CPPED1: variants seen among roughly 807,000 people sequenced by gnomAD.
CPPED1 encodes the protein calcineurin like phosphoesterase domain containing 1, also known as serine/threonine-protein phosphatase CPPED1.
Under a neutral mutation model 28.0 loss-of-function variants are expected in CPPED1, and 28 were observed. The observed-to-expected ratio is 1.00, with a 90% CI of 0.74 to 1.37. The LOEUF (loss-of-function observed/expected upper bound fraction) is 1.37. Among genes scored for constraint, CPPED1 ranks in the 40% most tolerant of loss-of-function variants. The probability of loss-of-function intolerance (pLI) is 0.00; values close to 1 mark genes in which losing one functional copy is unlikely to be tolerated. For missense variants in CPPED1, 504 were observed against 416.5 expected, an observed-to-expected ratio of 1.21 and a Z score of -1.83; for synonymous variants, 198 against 180.2, an observed-to-expected ratio of 1.10 and a Z score of -0.79.
At chr16:12,677,469 T>C (rs1249342094) in intron 3 of CPPED1, among the ~76,000 whole-genome samples, 4 of 152,172 alleles carry the variant, frequency 2.6e-5, no homozygotes, top group Non-Finnish European at 5.9e-5. Context: ...CAAAACCCTG[T>C]CTCTACTAAA....
intron 2 of CPPED1, among the ~76,000 whole-genome samples, chr16:12,779,948 T>C (rs989870653): frequency 6.6e-6 from 1 of 152,150 alleles, no homozygotes; most frequent in African/African-American, 2.4e-5. Flanking sequence ...TATACCTGCT[T>C]GCTGGGCTTT....
At chr16:12,797,501 G>A (rs576237094) in intron 1 of CPPED1, among the ~76,000 whole-genome samples, 43 of 151,938 alleles carry the variant, frequency 2.8e-4, no homozygotes, top group African/African-American at 1.0e-3. Context: ...GCTGCAGTGG[G>A]CGGAGATCAT....
intron 2 of CPPED1, among the ~76,000 whole-genome samples, chr16:12,746,727 T>A (rs1267855952): frequency 6.6e-6 from 1 of 152,068 alleles, no homozygotes; most frequent in Non-Finnish European, 1.5e-5. Flanking sequence ...GGAAGTAAAA[T>A]ATGTGACACC....
rs536229077 is a variant in CPPED1 at position 12,752,869 on chromosome 16, TTAATA to T, written c.289+28311_289+28315del. 4.6e-3 allele frequency: 680 copies of T among 148,210 alleles called. 2 individuals carry two copies. The highest frequency in any genetic ancestry group is 0.016 in the African/African-American group (650 of 40,886). The allele number at this position is 148,210 out of a possible 1,614,324, so 9.2% of individuals were successfully genotyped here. On this transcript the variant is annotated intron_variant, in intron 2 of 3. Transcript: ENST00000381774. ...TATTATATACTAGCTGTACTATTTA[TTAATA>T]TAATATATAATTACATATTAATAAC...
At position 12,670,520 on chromosome 16, in the gene CPPED1, A is replaced by G. The variant is rs139732721; in HGVS notation, c.716-5405T>C. Among the ~76,000 whole-genome samples, 1,280 of 152,274 alleles carry G rather than the reference A, an allele frequency of 8.4e-3. 9 individuals carry two copies. Among genetic ancestry groups the G allele is most frequent in the Non-Finnish European group, 0.014 (971 of 68,026 alleles). On this transcript the variant is annotated intron_variant, in intron 3 of 3. Transcript: ENST00000381774. The surrounding 1 kb of genome is among the most constrained non-coding windows in gnomAD (Gnocchi z 4.2). ...GTTTAAAGAGAAGGTTAAAAAAAAA[A>G]AGAATGTATTTACAGTGAAGAAACT...
At chr16:12,771,646 C>A (rs2080470964) in intron 2 of CPPED1, among the ~76,000 whole-genome samples, 1 of 152,148 alleles carries the variant, frequency 6.6e-6, no homozygotes, top group Non-Finnish European at 1.5e-5. Flanking sequence ...CTGTCTTGTA[C>A]CAGAATTATG....
chr16:12,704,559 A>G (rs1472440354), intron 3 of CPPED1, 65 bp downstream of exon 3: 4 of 1,485,572 alleles, frequency 2.7e-6, no homozygotes, highest in East Asian at 2.3e-5. Flanking sequence ...GACGGGAGAA[A>G]GATCTGGAAA....
At position 12,664,847 on chromosome 16, in the gene CPPED1, A is replaced by C. The variant is rs2079815803; in HGVS notation, c.*39T>G. On this transcript the variant is annotated 3_prime_UTR_variant, in exon 4 of 4. Transcript: ENST00000381774. This position sits in a 1 kb window ranked among gnomAD's most constrained non-coding sequence, Gnocchi z 4.2. The stretch of plus-strand genomic sequence containing the variant: ...CTGCTGTTTCTGGCAAAATAAAAAA[A>C]TAGTGCAAGTGAAAAGTGAACGGGA... 19 of 1,607,038 alleles carry C rather than the reference A, an allele frequency of 1.2e-5. No individual in the cohort carries two copies. The highest frequency in any genetic ancestry group is 1.6e-5 in the Non-Finnish European group (19 of 1,178,242).
intron 1 of CPPED1, among the ~76,000 whole-genome samples, chr16:12,793,482 TTTC>T (rs2080608840): frequency 6.6e-6 from 1 of 152,162 alleles, no homozygotes; most frequent in African/African-American, 2.4e-5. Flanking sequence ...TCAACTCCCA[TTTC>T]TACCCTTTAC....
chr16:12,741,285 C>T (rs1488897408), intron 2 of CPPED1, among the ~76,000 whole-genome samples: 2 of 146,814 alleles, frequency 1.4e-5, no homozygotes, highest in Middle Eastern at 3.6e-3. Context: ...AAAAATAAAT[C>T]CTCCTCTGGC....
Position 12,665,044 on chromosome 16 carries a change from C to A in CPPED1, c.787G>T (p.Val263Leu). 6.2e-7 allele frequency: 1 copy of A among 1,609,892 alleles called. No individual in the cohort carries two copies. The highest frequency in any genetic ancestry group is 8.5e-7 in the Non-Finnish European group (1 of 1,178,728). The change falls in exon 4 of 4, where the codon GTG becomes TTG. Residue 263 changes from valine to leucine, a missense_variant. By Grantham distance (32) the Val-to-Leu change is conservative (BLOSUM62 1). Coordinates refer to ENST00000381774, the MANE Select transcript of CPPED1 (RefSeq NM_018340.3). Reference protein sequence around the residue: ...GGTYQNLDMVVSSAIGCQLGR... With the variant: ...GGTYQNLDMVLSSAIGCQLGR... ...AGCTGGCATCCAATGGCAGATGACA[C>A]CACCATGTCGAGGTTCTGGTAGGTA...
rs2079807578 is a variant in CPPED1 at position 12,663,413 on chromosome 16, T to TCTTATA, written c.*1472_*1473insTATAAG. ...CTTTACCGAACTCCTTTTCTTGACC[T>TCTTATA]CCTATACCTACACCTGTTGTAAAGA... On this transcript the variant is annotated 3_prime_UTR_variant, in exon 4 of 4. Coordinates refer to ENST00000381774, the MANE Select transcript of CPPED1 (RefSeq NM_018340.3). 1 of 152,048 alleles carries TCTTATA rather than the reference T, an allele frequency of 6.6e-6. No individual in the cohort carries two copies. The highest frequency in any genetic ancestry group is 1.5e-5 in the Non-Finnish European group (1 of 68,002). The allele number at this position is 152,048 out of a possible 1,614,324, so 9.4% of individuals were successfully genotyped here. A position where few individuals can be genotyped will look rare whatever the true frequency, so the allele number is the denominator to read the frequency against.
chr16:12,741,100 G>A (rs1043484924), intron 2 of CPPED1, among the ~76,000 whole-genome samples: 1 of 152,054 alleles, frequency 6.6e-6, no homozygotes, highest in Admixed American at 6.6e-5. Flanking sequence ...GCAATATAAT[G>A]GGGCCCAATT....
chr16:12,711,244 T>C (rs1393826290), intron 2 of CPPED1, among the ~76,000 whole-genome samples: 1 of 152,102 alleles, frequency 6.6e-6, no homozygotes, highest in African/African-American at 2.4e-5. Context: ...AAAAAACAAA[T>C]ACTGTTTGAT....
intron 2 of CPPED1, among the ~76,000 whole-genome samples, chr16:12,778,277 CTTTT>C (rs371883790): frequency 8.6e-6 from 1 of 116,158 alleles, no homozygotes; most frequent in Admixed American, 9.2e-5. Context: ...TTCTTTCTTT[CTTTT>C]TTTTTTTTTT....
In CPPED1 at chr16:12,777,803, G is replaced by A. The variant is rs2080505915; in HGVS notation, c.289+3382C>T. ...GTAATTGGCACTTAGTTTGCACACA[G>A]ACATTTTTGTGGATGATAAGTACTA... is the stretch of plus-strand genomic sequence containing the variant. On this transcript the variant is annotated intron_variant, in intron 2 of 3. Coordinates refer to ENST00000381774, the MANE Select transcript of CPPED1 (RefSeq NM_018340.3). Among the ~76,000 whole-genome samples, 4 of 144,044 alleles carry A rather than the reference G, an allele frequency of 2.8e-5. No homozygotes were observed. The South Asian group carries it at 8.6e-4, about 31-fold the overall frequency. The allele number at this position is 144,044 out of a possible 152,430, so 94.5% of individuals were successfully genotyped here.
At chr16:12,738,492 G>C (rs778033534) in intron 2 of CPPED1, among the ~76,000 whole-genome samples, 1 of 152,020 alleles carries the variant, frequency 6.6e-6, no homozygotes, top group African/African-American at 2.4e-5. Flanking sequence ...GAGATGAAAT[G>C]TCTCTGAATA....
intron 2 of CPPED1, among the ~76,000 whole-genome samples, chr16:12,755,324 C>T (rs2080358959): frequency 6.8e-6 from 1 of 147,118 alleles, no homozygotes; most frequent in African/African-American, 2.5e-5. Context: ...CTCTGTTGCC[C>T]AGGCTGCAGT....
intron 2 of CPPED1, among the ~76,000 whole-genome samples, chr16:12,715,210 G>A (rs376761642): frequency 2.9e-4 from 44 of 152,264 alleles, no homozygotes; most frequent in African/African-American, 1.1e-3. Flanking sequence ...TAGTAAGTTT[G>A]AAATCAGAAA....
Sources: allele counts gnomAD v4.1 joint callset (sites outside exome capture counted in the v4.1 genomes callset), GRCh38; gene constraint gnomAD v4.1.1; non-coding constraint Gnocchi (gnomAD v3.1); transcripts MANE v1.5; gene names NCBI Gene and HGNC (gene_info 2026-07-23, HGNC 2026-07-21).